RGL1: variants seen among roughly 807,000 people sequenced by gnomAD.
RGL1 encodes ral guanine nucleotide dissociation stimulator-like 1.
A neutral mutation model predicts 95.2 loss-of-function variants in RGL1; 24 were observed. That is an observed-to-expected ratio of 0.25 (90% CI 0.18 to 0.35). The LOEUF (loss-of-function observed/expected upper bound fraction) is 0.35. RGL1 is among the 10% of genes least tolerant of loss of function. The pLI is 1.00. For missense variants in RGL1, 715 were observed against 936.3 expected (o/e 0.76, Z 3.08); for synonymous variants, 329 against 344.9 (o/e 0.95, Z 0.51).
intron 11 of RGL1, 29 bp downstream of exon 11, chr1:183,900,265 G>T: frequency 1.3e-6 from 2 of 1,564,768 alleles, no homozygotes; most frequent in Non-Finnish European, 1.8e-6. Flanking sequence ...GTGTGATCGG[G>T]CCTGCAGCCT....
intron 1 of RGL1, among the ~76,000 whole-genome samples, chr1:183,706,141 G>A (rs965895232): frequency 6.6e-6 from 1 of 152,200 alleles, no homozygotes; most frequent in African/African-American, 2.4e-5. Context: ...GAATGTGGAA[G>A]TGGAGAGTAG....
At chr1:183,743,878 G>A (rs1657463499) in intron 2 of RGL1, among the ~76,000 whole-genome samples, 1 of 152,210 alleles carries the variant, frequency 6.6e-6, no homozygotes, top group Non-Finnish European at 1.5e-5. Flanking sequence ...TAAGGAGAAT[G>A]AGAAATTGCT....
chr1:183,702,790 G>A (rs781349960), intron 1 of RGL1, among the ~76,000 whole-genome samples: 1 of 152,172 alleles, frequency 6.6e-6, no homozygotes, highest in Non-Finnish European at 1.5e-5. Context: ...CTCTTGTATC[G>A]GTTTGAACCC....
chr1:183,751,445 G>A (rs776490527), intron 2 of RGL1, among the ~76,000 whole-genome samples: 1 of 152,160 alleles, frequency 6.6e-6, no homozygotes, highest in Non-Finnish European at 1.5e-5. Context: ...TGCTGTGCTG[G>A]CAGTGATAAT....
intron 1 of RGL1, among the ~76,000 whole-genome samples, chr1:183,681,337 G>C (rs10911402): frequency 0.081 from 12,316 of 152,202 alleles, 914 homozygotes; most frequent in African/African-American, 0.2. Flanking sequence ...TTATTATTTT[G>C]AGATACATTC....
rs537751695 is a variant in RGL1, at chr1:183,913,182, C to CTT, written c.1749+941_1749+942dup. Reference sequence around the variant, plus strand: ...TAAGATCTTAATTAAGACCAGTCTTCTTTTTTTTTTTTTTTTTTTTTTTTT... The same window carrying CTT: ...TAAGATCTTAATTAAGACCAGTCTTCTTTTTTTTTTTTTTTTTTTTTTTTTTT... On this transcript the variant is annotated intron_variant, in intron 15 of 17. Coordinates refer to ENST00000360851, the MANE Select transcript of RGL1 (RefSeq NM_001297671.3). 9.3e-3 allele frequency among the ~76,000 whole-genome samples: 635 copies of CTT among 68,280 alleles called. 132 individuals are homozygous for CTT. Among genetic ancestry groups the CTT allele is most frequent in the African/African-American group, 0.019 (300 of 15,944 alleles). The allele number at this position is 68,280 out of a possible 152,430, so 44.8% of individuals were successfully genotyped here.
At chr1:183,840,558 T>C (rs1266680591) in intron 2 of RGL1, among the ~76,000 whole-genome samples, 2 of 152,086 alleles carry the variant, frequency 1.3e-5, no homozygotes, top group Non-Finnish European at 2.9e-5. Context: ...TTAACTCTCA[T>C]TCATTATGTG....
chr1:183,925,392 T>C (rs1413770087), intron 17 of RGL1, among the ~76,000 whole-genome samples: 1 of 152,174 alleles, frequency 6.6e-6, no homozygotes, highest in African/African-American at 2.4e-5. Flanking sequence ...CATGCAGGAC[T>C]TAAAACCTAG....
intron 3 of RGL1, among the ~76,000 whole-genome samples, chr1:183,864,133 A>G (rs758755782): frequency 2.6e-5 from 4 of 152,216 alleles, no homozygotes; most frequent in Non-Finnish European, 5.9e-5. Context: ...AAGAATAGAG[A>G]GATCTGGAAA....
intron 2 of RGL1, among the ~76,000 whole-genome samples, chr1:183,798,674 T>C (rs1389533943): frequency 1.3e-5 from 2 of 152,082 alleles, no homozygotes; most frequent in African/African-American, 4.8e-5. Context: ...TCTTGTATAA[T>C]TGAAACTTGG....
rs1292584555 is a variant in RGL1 at position 183,926,317 on chromosome 1, T to A, written c.*25T>A. On this transcript the variant is annotated 3_prime_UTR_variant, in exon 18 of 18. Coordinates refer to ENST00000360851, the MANE Select transcript of RGL1 (RefSeq NM_001297671.3). ...AAGGGAGGGACCAGTGGCCCCTTGT[T>A]TGCCAAAGGCAGAGTGGGGCTGAGA... The A allele has an allele frequency of 1.9e-6, 3 of 1,586,092 alleles. No homozygotes were observed. The highest frequency in any genetic ancestry group is 2.6e-6 in the Non-Finnish European group (3 of 1,163,620).
At chr1:183,877,586 G>A (rs1163535750) in intron 4 of RGL1, among the ~76,000 whole-genome samples, 2 of 152,122 alleles carry the variant, frequency 1.3e-5, no homozygotes, top group African/African-American at 4.8e-5. Context: ...AGGAGGGCAG[G>A]GCTCTGCCTC....
intron 1 of RGL1, among the ~76,000 whole-genome samples, chr1:183,732,739 G>A (rs1017285990): frequency 6.6e-6 from 1 of 152,108 alleles, no homozygotes; most frequent in African/African-American, 2.4e-5. Flanking sequence ...AGAAAGCCAG[G>A]CTTGGTTTTG....
intron 1 of RGL1, among the ~76,000 whole-genome samples, chr1:183,738,426 A>G (rs1657079330): frequency 1.3e-5 from 2 of 152,132 alleles, no homozygotes; most frequent in Non-Finnish European, 2.9e-5. Flanking sequence ...GTCTAAAAAA[A>G]AAAAGAAAGA....
intron 1 of RGL1, among the ~76,000 whole-genome samples, chr1:183,666,316 T>A (rs1463742090): frequency 2.0e-5 from 3 of 151,886 alleles, no homozygotes; most frequent in African/African-American, 7.3e-5. Flanking sequence ...TAGGTCTTTC[T>A]TTTTTTCTAA....
intron 2 of RGL1, among the ~76,000 whole-genome samples, chr1:183,767,353 T>C (rs1659028988): frequency 6.7e-6 from 1 of 150,184 alleles, no homozygotes; most frequent in African/African-American, 2.5e-5. Flanking sequence ...AACAGATAAA[T>C]AGGAAGCCCC....
Position 183,894,953 on chromosome 1 carries a change from A to G in RGL1, c.1140+2792A>G, listed in dbSNP as rs767050979. 3.9e-5 allele frequency among the ~76,000 whole-genome samples: 6 copies of G among 152,188 alleles called. 1 individual carries two copies. Among genetic ancestry groups the G allele is most frequent in the Non-Finnish European group, 8.8e-5 (6 of 68,040 alleles). On this transcript the variant is annotated intron_variant, in intron 9 of 17. Coordinates refer to ENST00000360851, the MANE Select transcript of RGL1 (RefSeq NM_001297671.3). Reference sequence around the variant, plus strand: ...CCTTGTGATTTCTGAAACCTGGGTAATTCTAAGCAGGTGAATTATAGTCTG... The same window carrying G: ...CCTTGTGATTTCTGAAACCTGGGTAGTTCTAAGCAGGTGAATTATAGTCTG...
chr1:183,898,250 G>T (rs1383045185), intron 10 of RGL1, among the ~76,000 whole-genome samples: 2 of 152,200 alleles, frequency 1.3e-5, no homozygotes, highest in Non-Finnish European at 2.9e-5. Context: ...AGGGCCTCCT[G>T]AGCTTCCTAC....
chr1:183,919,496 G>A (rs1669189097), intron 16 of RGL1, among the ~76,000 whole-genome samples: 1 of 152,104 alleles, frequency 6.6e-6, no homozygotes, highest in South Asian at 2.1e-4. Context: ...TGATCTCATG[G>A]ATCCCCTCAC....
Sources: gnomAD v4.1 joint callset for allele counts (sites outside exome capture counted in the v4.1 genomes callset) on GRCh38, gnomAD v4.1.1 for gene constraint, MANE v1.5 for transcripts, NCBI Gene and HGNC (gene_info 2026-07-23, HGNC 2026-07-21) for gene names.